Variants in ASTN2 observed in about 807,000 individuals in gnomAD.
The protein encoded by ASTN2 is astrotactin 2, also known as astrotactin-2.
Under a neutral mutation model 139.8 loss-of-function variants are expected in ASTN2, and 54 were observed. The observed-to-expected ratio is 0.39, with a 90% CI of 0.31 to 0.48. ASTN2 has a LOEUF of 0.48. Among genes scored for constraint, ASTN2 ranks in the 20% least tolerant of loss-of-function variants. ASTN2 has a pLI of 0.95. For missense variants in ASTN2, 1,565 were observed against 1,725.1 expected (o/e 0.91, Z 1.64); for synonymous variants, 756 against 719.5 (o/e 1.05, Z -0.81).
In ASTN2 at chr9:117,181,358, C is replaced by T. The variant is rs117484300; in HGVS notation, c.1015+33000G>A. ...TATCAGAGCTAAGATTGGGTTCTGG[C>T]AAATGTCTCAAATACATTTCATACT... On this transcript the variant is annotated intron_variant, in intron 3 of 22. Coordinates refer to ENST00000313400, the MANE Select transcript of ASTN2 (RefSeq NM_001365068.1). Among the ~76,000 whole-genome samples, 258 of 152,280 alleles carry T rather than the reference C, an allele frequency of 1.7e-3. 2 individuals are homozygous for T. Among genetic ancestry groups the T allele is most frequent in the East Asian group, 8.3e-3 (43 of 5,180 alleles).
At chr9:117,412,927 C>A (rs1219637085) in intron 1 of ASTN2, among the ~76,000 whole-genome samples, 2 of 152,154 alleles carry the variant, frequency 1.3e-5, no homozygotes, top group Non-Finnish European at 2.9e-5. Flanking sequence ...CACAGGTGCA[C>A]GTGGGAAGAG....
intron 2 of ASTN2, among the ~76,000 whole-genome samples, chr9:117,265,553 G>T (rs1275006627): frequency 1.3e-5 from 2 of 152,186 alleles, no homozygotes; most frequent in Admixed American, 6.5e-5. Flanking sequence ...GGGCATGTGG[G>T]CTGGACACCA....
rs1253890184 is a variant in ASTN2, at chr9:116,596,586, T to C, written c.3355+21738A>G. Among the ~76,000 whole-genome samples the C allele has an allele frequency of 1.8e-4, 27 of 152,230 alleles. 1 individual carries two copies. ...GTCATCAGTATCTATATATTAAATGTATGCAATTTTTATATATCAATTATA... is the reference window on the plus strand; with the variant it reads ...GTCATCAGTATCTATATATTAAATGCATGCAATTTTTATATATCAATTATA... On this transcript the variant is annotated intron_variant, in intron 19 of 22. Transcript: ENST00000313400.
intron 3 of ASTN2, among the ~76,000 whole-genome samples, chr9:117,150,003 T>C (rs1429494130): frequency 1.3e-5 from 2 of 152,236 alleles, no homozygotes. Flanking sequence ...GAATAGCCTT[T>C]TCTTATATAC....
chr9:117,342,146 T>C (rs1438603197), intron 1 of ASTN2, among the ~76,000 whole-genome samples: 2 of 152,170 alleles, frequency 1.3e-5, no homozygotes, highest in Non-Finnish European at 2.9e-5. Context: ...CATTAACTGT[T>C]GTTAACGGAA....
At chr9:116,546,686 A>T (rs919261249) in intron 19 of ASTN2, 5 of 152,236 alleles carry the variant, frequency 3.3e-5, no homozygotes, top group African/African-American at 9.6e-5. Flanking sequence ...TGGGGAAATC[A>T]AGTATATAAA....
intron 1 of ASTN2, among the ~76,000 whole-genome samples, chr9:117,408,415 A>C (rs554660797): frequency 1.3e-5 from 2 of 152,172 alleles, no homozygotes; most frequent in Non-Finnish European, 2.9e-5. Context: ...GGAGCCCATC[A>C]AAGTCGACGG....
chr9:116,484,537 G>C (rs1167575924), intron 20 of ASTN2, among the ~76,000 whole-genome samples: 1 of 152,106 alleles, frequency 6.6e-6, no homozygotes, highest in Non-Finnish European at 1.5e-5. Flanking sequence ...ACTGACACTG[G>C]AACTATTTTA....
At chr9:117,124,273 A>C (rs1390807338) in intron 4 of ASTN2, among the ~76,000 whole-genome samples, 1 of 152,090 alleles carries the variant, frequency 6.6e-6, no homozygotes, top group East Asian at 1.9e-4. Context: ...CAGTTTTCTC[A>C]TTTGTGTTAT....
chr9:116,485,970 AT>A (rs1849325755), intron 20 of ASTN2, among the ~76,000 whole-genome samples: 1 of 152,324 alleles, frequency 6.6e-6, no homozygotes. Context: ...AGGTTCACAG[AT>A]TGTGGAAGGA....
chr9:116,752,360 C>A lies in ASTN2; in HGVS notation c.2397-18837G>T, dbSNP rs554039920. On this transcript the variant is annotated intron_variant, in intron 13 of 22. Coordinates refer to ENST00000313400, the MANE Select transcript of ASTN2 (RefSeq NM_001365068.1). ...ACAGACAAAAATCTAGATATAGATTCTACACTTTTCCAAAAATAAAAATAA... is the reference window on the plus strand; with the variant it reads ...ACAGACAAAAATCTAGATATAGATTATACACTTTTCCAAAAATAAAAATAA... 3.3e-5 allele frequency among the ~76,000 whole-genome samples: 5 copies of A among 152,282 alleles called. No individual in the cohort carries two copies. In the Middle Eastern group the frequency reaches 0.017, roughly 518 times the overall value.
chr9:116,511,439 A>G (rs1055296591), intron 19 of ASTN2, among the ~76,000 whole-genome samples: 2 of 152,184 alleles, frequency 1.3e-5, no homozygotes, highest in Non-Finnish European at 1.5e-5. Context: ...ATCGATGTTC[A>G]TCAGGGATAT....
At chr9:116,572,330 C>T (rs561260258) in intron 19 of ASTN2, among the ~76,000 whole-genome samples, 2 of 152,136 alleles carry the variant, frequency 1.3e-5, no homozygotes, top group Non-Finnish European at 2.9e-5. Flanking sequence ...CCCAGTGTTG[C>T]GTGGTGTGGG....
At chr9:117,328,924 G>T (rs1455359464) in intron 1 of ASTN2, among the ~76,000 whole-genome samples, 1 of 152,326 alleles carries the variant, frequency 6.6e-6, no homozygotes, top group East Asian at 1.9e-4. Context: ...AGGTTAAAGG[G>T]AAAGGAAGAT....
intron 6 of ASTN2, among the ~76,000 whole-genome samples, chr9:117,019,819 C>G (rs1439779690): frequency 6.6e-6 from 1 of 152,092 alleles, no homozygotes; most frequent in African/African-American, 2.4e-5. Flanking sequence ...GCCTATGATT[C>G]ACTCTGTGAA....
At chr9:116,570,052 C>T (rs545355815) in intron 19 of ASTN2, among the ~76,000 whole-genome samples, 1 of 152,294 alleles carries the variant, frequency 6.6e-6, no homozygotes, top group Non-Finnish European at 1.5e-5. Context: ...GGCTTTGAAG[C>T]AGATTACTCG....
chr9:117,219,706 A>C (rs770999144), intron 2 of ASTN2, among the ~76,000 whole-genome samples: 1 of 152,204 alleles, frequency 6.6e-6, no homozygotes. Flanking sequence ...AATTTCAAGA[A>C]GCTTTCAGGG....
chr9:116,994,483 A>AGTT (rs1214925345), intron 7 of ASTN2, among the ~76,000 whole-genome samples: 5 of 152,174 alleles, frequency 3.3e-5, no homozygotes, highest in African/African-American at 1.2e-4. Context: ...TATGAAATAT[A>AGTT]GTTCTGCTCT....
chr9:116,625,840 G>A (rs1856424743), intron 17 of ASTN2, among the ~76,000 whole-genome samples: 1 of 152,014 alleles, frequency 6.6e-6, no homozygotes, highest in Non-Finnish European at 1.5e-5. Context: ...AAGGAGGTGT[G>A]GACCCTGCCA....
Sources: allele counts gnomAD v4.1 joint callset (sites outside exome capture counted in the v4.1 genomes callset), GRCh38; gene constraint gnomAD v4.1.1; transcripts MANE v1.5; gene names NCBI Gene and HGNC (gene_info 2026-07-23, HGNC 2026-07-21).